Variants in VAV1 observed in about 807,000 individuals in gnomAD.
VAV1 encodes proto-oncogene vav.
VAV1 carries 33 observed loss-of-function variants against 128.1 expected under a neutral mutation model. The observed-to-expected ratio is 0.26, with a 90% CI of 0.20 to 0.34. VAV1 has a LOEUF of 0.34. Among genes scored for constraint, VAV1 ranks in the 10% least tolerant of loss-of-function variants. VAV1 has a pLI of 1.00. For synonymous variants in VAV1, 394 were observed against 409.8 expected (o/e 0.96, Z 0.47); for missense variants, 715 against 1,093.7 (o/e 0.65, Z 4.88).
In VAV1 at chr19:6,777,069, C is replaced by T. The variant is rs142939702; in HGVS notation, c.204+4058C>T. 2.0e-5 allele frequency among the ~76,000 whole-genome samples: 3 copies of T among 151,680 alleles called. No individual in the cohort carries two copies. Among genetic ancestry groups the T allele is most frequent in the African/African-American group, 7.3e-5 (3 of 41,290 alleles). ...ACGCCCGGCCCATCCATTCATCTAT[C>T]TATCATCCACCTGCCCACCCACCCA... On this transcript the variant is annotated intron_variant, in intron 1 of 26. Transcript: ENST00000602142. The surrounding 1 kb of genome is among the most constrained non-coding windows in gnomAD (Gnocchi z 4.4).
At chr19:6,829,430 G>A (rs1320749586) in intron 13 of VAV1, among the ~76,000 whole-genome samples, 1 of 152,092 alleles carries the variant, frequency 6.6e-6, no homozygotes, top group Non-Finnish European at 1.5e-5. Context: ...TAGGGGTGGG[G>A]CCAGGTTCTT....
Position 6,773,063 on chromosome 19 carries a change from C to G in VAV1, c.204+52C>G, listed in dbSNP as rs185005274. 1.9e-6 allele frequency: 3 copies of G among 1,606,420 alleles called. No homozygotes were observed. The South Asian group carries it at 3.3e-5, about 18-fold the overall frequency. ...GAGGGTTGGAGACGGGGGTCCTCCC[C>G]GGGGCTGACAGTCGAGGGGCTGACG... is the stretch of plus-strand genomic sequence containing the variant. On this transcript the variant is annotated intron_variant, in intron 1 of 26. Transcript: ENST00000602142.
chr19:6,855,703 C>T (rs113366743), intron 26 of VAV1, among the ~76,000 whole-genome samples: 1,886 of 151,962 alleles, frequency 0.012, 47 homozygotes, highest in African/African-American at 0.041. Context: ...ATCCATACAC[C>T]TACTCACCAG....
At chr19:6,818,796 A>G (rs540926814) in intron 1 of VAV1, among the ~76,000 whole-genome samples, 1 of 152,178 alleles carries the variant, frequency 6.6e-6, no homozygotes, top group Admixed American at 6.5e-5. Context: ...CCTTAGAGGA[A>G]CCTACAAATA....
chr19:6,778,709 G>C (rs914932174), intron 1 of VAV1, among the ~76,000 whole-genome samples: 5 of 151,782 alleles, frequency 3.3e-5, no homozygotes, highest in African/African-American at 1.2e-4. Context: ...CTGGGCAACA[G>C]AGAGAGACTT....
chr19:6,788,352 TA>T lies in VAV1; in HGVS notation c.204+15342del, dbSNP rs1171560579. On this transcript the variant is annotated intron_variant, in intron 1 of 26. Coordinates refer to ENST00000602142, the MANE Select transcript of VAV1 (RefSeq NM_005428.4). ...TCGTTGAACATGATTCTTTTTATTTTATTATTATTATTATTATTATTATTAT... is the reference window on the plus strand; with the variant it reads ...TCGTTGAACATGATTCTTTTTATTTTTTATTATTATTATTATTATTATTAT... Among the ~76,000 whole-genome samples the T allele has an allele frequency of 6.7e-3, 22 of 3,308 alleles. No homozygotes were observed. The East Asian group carries it at 0.38, about 56-fold the overall frequency. 2.2% of individuals were successfully genotyped at this position (3,308 alleles called of 152,430 possible). A position where few individuals can be genotyped will look rare whatever the true frequency, so the allele number is the denominator to read the frequency against.
At chr19:6,814,951 T>G (rs1971614071) in intron 1 of VAV1, among the ~76,000 whole-genome samples, 1 of 151,842 alleles carries the variant, frequency 6.6e-6, no homozygotes, top group African/African-American at 2.4e-5. Context: ...AGAGATTTTT[T>G]TCCCCCTCTT....
intron 20 of VAV1, 89 bp downstream of exon 20, chr19:6,836,657 C>A: frequency 1.3e-6 from 2 of 1,552,486 alleles, no homozygotes; most frequent in South Asian, 1.2e-5. Flanking sequence ...GTCATAGTTC[C>A]ACCATGCTCT....
chr19:6,845,317 G>A lies in VAV1; in HGVS notation c.2012+2151G>A, dbSNP rs182188587. On this transcript the variant is annotated intron_variant, in intron 22 of 26. Transcript: ENST00000602142. ...GGGGAATCGCTTGAACCTGGCAGGCGGAGGTTGCAGTGAGCCGAGATTGCG... is the reference window on the plus strand; with the variant it reads ...GGGGAATCGCTTGAACCTGGCAGGCAGAGGTTGCAGTGAGCCGAGATTGCG... Among the ~76,000 whole-genome samples the A allele has an allele frequency of 2.1e-3, 321 of 152,226 alleles. 1 individual carries two copies. Among genetic ancestry groups the A allele is most frequent in the African/African-American group, 7.3e-3 (303 of 41,530 alleles).
At chr19:6,808,726 C>G (rs545650423) in intron 1 of VAV1, among the ~76,000 whole-genome samples, 2 of 152,152 alleles carry the variant, frequency 1.3e-5, no homozygotes, top group Non-Finnish European at 2.9e-5. Flanking sequence ...AAACAGTCCC[C>G]TAAAATGGAA....
chr19:6,856,969 G>C (rs1972819687), intron 26 of VAV1, 85 bp from the exon 27 acceptor site: 1 of 1,255,092 alleles, frequency 8.0e-7, no homozygotes, highest in Middle Eastern at 1.9e-4. Flanking sequence ...AAGGCCCTGA[G>C]GTGGGAGGGA....
In VAV1 at chr19:6,820,640, G is replaced by C. The variant is rs916221823; in HGVS notation, c.205-62G>C. ...ACCAGTCCCCAAGCTAGGTGGCCTG[G>C]GGGTCAGTTTCTCCCCTGCCCTTTC... On this transcript the variant is annotated intron_variant, in intron 1 of 26. Transcript: ENST00000602142. The surrounding 1 kb of genome is among the most constrained non-coding windows in gnomAD (Gnocchi z 4.4). The C allele has an allele frequency of 7.1e-7, 1 of 1,411,310 alleles. No homozygotes were observed. Among genetic ancestry groups the C allele is most frequent in the Admixed American group, 1.7e-5 (1 of 59,124 alleles). The allele number at this position is 1,411,310 out of a possible 1,614,324, so 87.4% of individuals were successfully genotyped here.
chr19:6,782,414 T>C (rs894625085), intron 1 of VAV1, among the ~76,000 whole-genome samples: 6 of 152,062 alleles, frequency 3.9e-5, no homozygotes, highest in African/African-American at 1.4e-4. Context: ...TTCAGAGTTG[T>C]GTAAGGATTA....
At chr19:6,807,109 G>A (rs911633226) in intron 1 of VAV1, among the ~76,000 whole-genome samples, 5 of 152,156 alleles carry the variant, frequency 3.3e-5, no homozygotes, top group African/African-American at 7.2e-5. Context: ...AGCAGTGACC[G>A]GTTTTGTGGA....
intron 1 of VAV1, among the ~76,000 whole-genome samples, chr19:6,808,468 A>G (rs1210980619): frequency 1.3e-5 from 2 of 152,180 alleles, no homozygotes; most frequent in Non-Finnish European, 2.9e-5. Context: ...ATAAAACTGA[A>G]GATTATTTAT....
intron 1 of VAV1, among the ~76,000 whole-genome samples, chr19:6,778,485 G>A (rs749058401): frequency 2.3e-4 from 35 of 152,140 alleles, no homozygotes; most frequent in Admixed American, 6.6e-5. Flanking sequence ...TGGCTTTGGA[G>A]AGCCACACCT....
At chr19:6,803,581 A>T (rs1041068738) in intron 1 of VAV1, among the ~76,000 whole-genome samples, 2 of 152,124 alleles carry the variant, frequency 1.3e-5, no homozygotes, top group Admixed American at 6.6e-5. Context: ...TATTATTATT[A>T]GAGATGGACT....
Position 6,826,230 on chromosome 19 carries a change from C to CG in VAV1, c.828-376dup, listed in dbSNP as rs1468270651. On this transcript the variant is annotated intron_variant, in intron 8 of 26. Transcript: ENST00000602142. This position sits in a 1 kb window ranked among gnomAD's most constrained non-coding sequence, Gnocchi z 4.1. Reference sequence around the variant, plus strand: ...GCAGGTGTCTGTAATCCCAGCTACTCGGGGGGCTGAAGCAGGAGAATCGCT... The same window carrying CG: ...GCAGGTGTCTGTAATCCCAGCTACTCGGGGGGGCTGAAGCAGGAGAATCGCT... 6.7e-6 allele frequency among the ~76,000 whole-genome samples: 1 copy of CG among 149,676 alleles called. No individual in the cohort carries two copies. Among genetic ancestry groups the CG allele is most frequent in the African/African-American group, 2.5e-5 (1 of 40,420 alleles).
Position 6,792,068 on chromosome 19 carries a change from C to T in VAV1, c.204+19057C>T, listed in dbSNP as rs1419765643. On this transcript the variant is annotated intron_variant, in intron 1 of 26. Coordinates refer to ENST00000602142, the MANE Select transcript of VAV1 (RefSeq NM_005428.4). ...GCAGATCAATTGTTTAAAGAGGTCC[C>T]TGACCAGGTGTGGTGGCTCATGCCT... Among the ~76,000 whole-genome samples the T allele has an allele frequency of 2.0e-5, 3 of 152,174 alleles. No homozygotes were observed. In the East Asian group the frequency reaches 5.8e-4, roughly 29 times the overall value.
Sources: gnomAD v4.1 joint callset for allele counts (sites outside exome capture counted in the v4.1 genomes callset) on GRCh38, gnomAD v4.1.1 for gene constraint, Gnocchi (gnomAD v3.1) non-coding constraint, MANE v1.5 for transcripts, NCBI Gene and HGNC (gene_info 2026-07-23, HGNC 2026-07-21) for gene names.